QTMAN: variants seen among roughly 807,000 people sequenced by gnomAD.
QTMAN encodes the protein tRNA-queuosine alpha-mannosyltransferase.
chr2:144,024,965 C>T, the QTMAN span, among the ~76,000 whole-genome samples: 2,350 of 152,242 alleles, frequency 0.015, 58 homozygotes, highest in African/African-American at 0.053. Context: ...ATCCTTCTAT[C>T]ACATGATATC....
the QTMAN span, among the ~76,000 whole-genome samples, chr2:144,002,034 T>C: frequency 1.3e-5 from 2 of 151,900 alleles, no homozygotes; most frequent in East Asian, 3.9e-4. Flanking sequence ...TAACTAAAGA[T>C]GTAATTTGCC....
chr2:143,963,360 C>T, the QTMAN span, among the ~76,000 whole-genome samples: 1 of 151,964 alleles, frequency 6.6e-6, no homozygotes, highest in East Asian at 1.9e-4. Flanking sequence ...ACTGATTTCA[C>T]TAAGAAAAAA....
At chr2:144,098,920 T>C in the QTMAN span, among the ~76,000 whole-genome samples, 3 of 151,904 alleles carry the variant, frequency 2.0e-5, no homozygotes, top group Admixed American at 2.0e-4. Context: ...TCCGCACTGA[T>C]TTCCCTTTCC....
the QTMAN span, among the ~76,000 whole-genome samples, chr2:144,018,183 G>A: frequency 6.6e-6 from 1 of 152,016 alleles, no homozygotes; most frequent in Non-Finnish European, 1.5e-5. Context: ...ATAAAACCAG[G>A]AAATTTAAAA....
the QTMAN span, among the ~76,000 whole-genome samples, chr2:143,959,898 T>C: frequency 6.6e-6 from 1 of 152,100 alleles, no homozygotes; most frequent in Non-Finnish European, 1.5e-5. Context: ...CTTTGTGCAG[T>C]GTGCTATATT....
At chr2:143,946,553 G>A in the QTMAN span, 1 of 153,234 alleles carries the variant, frequency 6.5e-6, no homozygotes, top group Non-Finnish European at 1.5e-5. Flanking sequence ...GGCCCTTTGA[G>A]GACACAAGAA....
chr2:144,222,508 G>A, the QTMAN span, among the ~76,000 whole-genome samples: 2 of 151,670 alleles, frequency 1.3e-5, no homozygotes, highest in Non-Finnish European at 2.9e-5. Context: ...GAAGTGTCTT[G>A]TATTAAGAAA....
the QTMAN span, among the ~76,000 whole-genome samples, chr2:144,211,963 C>T: frequency 6.6e-6 from 1 of 152,086 alleles, no homozygotes; most frequent in Non-Finnish European, 1.5e-5. Flanking sequence ...TTGGAAGCAG[C>T]AGTAATAGGG....
chr2:144,246,597 A>G, the QTMAN span, among the ~76,000 whole-genome samples: 109 of 151,106 alleles, frequency 7.2e-4, no homozygotes, highest in Non-Finnish European at 4.7e-4. Flanking sequence ...AAAAAAAAAA[A>G]AAAAAGAAAA....
the QTMAN span, among the ~76,000 whole-genome samples, chr2:144,103,507 A>T: frequency 2.6e-5 from 4 of 152,214 alleles, no homozygotes; most frequent in African/African-American, 9.7e-5. Context: ...CTATTTACAT[A>T]ACAATTTTTA....
the QTMAN span, among the ~76,000 whole-genome samples, chr2:143,985,513 G>C: frequency 1.3e-5 from 2 of 152,152 alleles, no homozygotes; most frequent in African/African-American, 4.8e-5. Flanking sequence ...GGAATAAAGT[G>C]GCACTGGAAG....
chr2:144,089,081 T>A, the QTMAN span, among the ~76,000 whole-genome samples: 2 of 151,846 alleles, frequency 1.3e-5, no homozygotes, highest in African/African-American at 4.8e-5. Flanking sequence ...GAGACTAATA[T>A]CCAGAATATA....
At chr2:144,309,639 T>C in the QTMAN span, among the ~76,000 whole-genome samples, 2 of 152,182 alleles carry the variant, frequency 1.3e-5, no homozygotes, top group African/African-American at 2.4e-5. Context: ...AAGGAAACTT[T>C]TGAAGTGATG....
chr2:144,116,333 GGTGTGTGTGT>G, the QTMAN span, among the ~76,000 whole-genome samples: 1 of 146,780 alleles, frequency 6.8e-6, no homozygotes, highest in African/African-American at 2.5e-5. Flanking sequence ...TTATGTGAGG[GGTGTGTGTGT>G]GTGCATGTGT....
the QTMAN span, among the ~76,000 whole-genome samples, chr2:143,973,572 C>G: frequency 6.6e-6 from 1 of 151,818 alleles, no homozygotes; most frequent in Admixed American, 6.6e-5. Context: ...GGGCGGATCA[C>G]GAGGTCAGGA....
At chr2:144,006,818 T>A in the QTMAN span, 1 of 168,054 alleles carries the variant, frequency 6.0e-6, no homozygotes, top group Non-Finnish European at 1.3e-5. Context: ...AATATTGCTG[T>A]ATCAGTGTGT....
the QTMAN span, among the ~76,000 whole-genome samples, chr2:144,062,005 T>TA: frequency 2.0e-5 from 3 of 152,108 alleles, no homozygotes; most frequent in South Asian, 6.2e-4. Context: ...CATCATTCAG[T>TA]AAAATCCCCG....
At chr2:144,289,029 CTTTTTTTTTTT>C in the QTMAN span, among the ~76,000 whole-genome samples, 2 of 115,972 alleles carry the variant, frequency 1.7e-5, no homozygotes, top group African/African-American at 6.8e-5. Flanking sequence ...CAAGAAAATT[CTTTTTTTTTTT>C]TTTTTTTTTT....
chr2:144,194,906 C>G, the QTMAN span, among the ~76,000 whole-genome samples: 2 of 152,032 alleles, frequency 1.3e-5, no homozygotes, highest in Non-Finnish European at 2.9e-5. Flanking sequence ...CACCACTACC[C>G]CTCCACATTT....
Sources: gnomAD v4.1 joint callset for allele counts (sites outside exome capture counted in the v4.1 genomes callset) on GRCh38, gnomAD v4.1.1 for gene constraint, MANE v1.5 for transcripts, NCBI Gene and HGNC (gene_info 2026-07-23, HGNC 2026-07-21) for gene names.